Variants in FAM53B observed in about 807,000 individuals in gnomAD.
FAM53B encodes the protein protein FAM53B.
FAM53B carries 12 observed loss-of-function variants against 32.7 expected under a neutral mutation model. The observed-to-expected ratio is 0.37, with a 90% CI of 0.24 to 0.59. The LOEUF (loss-of-function observed/expected upper bound fraction) is 0.59, where lower values mean the gene tolerates loss of function less well. Ranked by LOEUF, FAM53B falls within the 20% of genes least tolerant of loss-of-function variation. The pLI, the probability that FAM53B is intolerant of heterozygous loss-of-function variation, is 0.72. For missense variants in FAM53B, 477 were observed against 577.7 expected, an observed-to-expected ratio of 0.83 and a Z score of 1.79; for synonymous variants, 234 against 228.7, an observed-to-expected ratio of 1.02 and a Z score of -0.21.
chr10:124,741,384 TGGGCCCAGAACTCAGTCTTCA>T (rs1474788076), intron 1 of FAM53B, among the ~76,000 whole-genome samples: 2 of 152,212 alleles, frequency 1.3e-5, no homozygotes. Flanking sequence ...AATCTGAAGG[TGGGCCCAGAACTCAGTCTTCA>T]GGGCCCAAGG....
rs766380975 is a variant in FAM53B, at chr10:124,681,838, C to T, written c.675G>A (p.Leu225=). ...LHPVGGGRLD[L]QRSLSCSHEQ... ...CATGTGAGCAAGAGAGGGACCGCTG[C>T]AGGTCCAGCCGGCCTCCTCCCACGG... The change falls in exon 4 of 5, where the codon CTG becomes CTA. Residue 225 remains leucine, a synonymous_variant. Transcript: ENST00000337318. 3.2e-5 allele frequency: 52 copies of T among 1,612,000 alleles called. No individual in the cohort carries two copies. In the South Asian group the frequency reaches 5.4e-4, roughly 17 times the overall value.
intron 4 of FAM53B, among the ~76,000 whole-genome samples, chr10:124,626,304 C>T (rs149940111): frequency 8.8e-4 from 134 of 151,598 alleles, no homozygotes; most frequent in African/African-American, 2.9e-3. Context: ...TGGCATAAGG[C>T]GCAGGTAGCG....
intron 3 of FAM53B, among the ~76,000 whole-genome samples, chr10:124,685,393 C>T (rs1381599559): frequency 1.3e-5 from 2 of 152,240 alleles, no homozygotes; most frequent in Non-Finnish European, 2.9e-5. Context: ...GCCCACAGCC[C>T]GCCCTCTGCT....
chr10:124,645,887 G>C (rs934962145), intron 4 of FAM53B, among the ~76,000 whole-genome samples: 3 of 152,158 alleles, frequency 2.0e-5, no homozygotes, highest in African/African-American at 7.2e-5. Flanking sequence ...ACAGGTAACA[G>C]GATGCCCTGC....
chr10:124,654,297 G>A (rs1426604168), intron 4 of FAM53B, among the ~76,000 whole-genome samples: 1 of 152,236 alleles, frequency 6.6e-6, no homozygotes, highest in African/African-American at 2.4e-5. Context: ...TGGAGCCTAG[G>A]GCCTGGCCCT....
rs1949305180 is a variant in FAM53B, at chr10:124,620,737, C to T, written c.*2505G>A. 6.6e-6 allele frequency: 1 copy of T among 152,484 alleles called. No individual in the cohort carries two copies. The highest frequency in any genetic ancestry group is 3.3e-3 in the Middle Eastern group (1 of 302). The allele number at this position is 152,484 out of a possible 1,614,324, so 9.4% of individuals were successfully genotyped here. A position where few individuals can be genotyped will look rare whatever the true frequency, so the allele number is the denominator to read the frequency against. On this transcript the variant is annotated 3_prime_UTR_variant, in exon 5 of 5. Coordinates refer to ENST00000337318, the MANE Select transcript of FAM53B (RefSeq NM_014661.4). ...GCACCTTATAGATAGGGTCTACTCC[C>T]TCCAGTCAAAACACAAACATGAAAC...
intron 4 of FAM53B, among the ~76,000 whole-genome samples, chr10:124,646,908 G>T (rs1264369402): frequency 6.6e-6 from 1 of 152,198 alleles, no homozygotes; most frequent in Non-Finnish European, 1.5e-5. Context: ...ACCTCTCCAG[G>T]TTCTAAGTGA....
chr10:124,715,232 T>C (rs1033140253), intron 1 of FAM53B, among the ~76,000 whole-genome samples: 1 of 152,098 alleles, frequency 6.6e-6, no homozygotes, highest in Non-Finnish European at 1.5e-5. Context: ...TGTTGAAACA[T>C]GGTATTAGGG....
At chr10:124,644,875 G>A (rs1949501749) in intron 4 of FAM53B, among the ~76,000 whole-genome samples, 1 of 152,228 alleles carries the variant, frequency 6.6e-6, no homozygotes. Flanking sequence ...TCTGCTGCAG[G>A]ACTCGGTGCT....
chr10:124,684,789 G>A (rs1949792625), intron 3 of FAM53B, among the ~76,000 whole-genome samples: 1 of 152,142 alleles, frequency 6.6e-6, no homozygotes. Flanking sequence ...AAAGTGCTGG[G>A]ATTACAGGCA....
At chr10:124,720,710 T>G (rs1564887698) in intron 1 of FAM53B, among the ~76,000 whole-genome samples, 1 of 152,164 alleles carries the variant, frequency 6.6e-6, no homozygotes, top group Non-Finnish European at 1.5e-5. Context: ...GTGACTACTT[T>G]GTGACTGCTG....
intron 1 of FAM53B, among the ~76,000 whole-genome samples, chr10:124,738,842 T>C (rs1196806859): frequency 6.6e-6 from 1 of 152,162 alleles, no homozygotes; most frequent in Non-Finnish European, 1.5e-5. Flanking sequence ...TCTCTCTGAA[T>C]GGAAAATGGA....
Position 124,682,572 on chromosome 10 carries a change from T to TGAGTTGG in FAM53B, c.134-200_134-194dup, listed in dbSNP as rs1160563000. On this transcript the variant is annotated intron_variant, in intron 3 of 4. Coordinates refer to ENST00000337318, the MANE Select transcript of FAM53B (RefSeq NM_014661.4). The surrounding 1 kb of genome is among the most constrained non-coding windows in gnomAD (Gnocchi z 5.2). ...AGAGGAGAAGTGAATCCCAAGGCTT[T>TGAGTTGG]GAGTTGGAAGTTGGAAGCAGAGCAG... 6.6e-6 allele frequency among the ~76,000 whole-genome samples: 1 copy of TGAGTTGG among 152,154 alleles called. No individual in the cohort carries two copies. The highest frequency in any genetic ancestry group is 1.5e-5 in the Non-Finnish European group (1 of 68,028).
intron 4 of FAM53B, among the ~76,000 whole-genome samples, chr10:124,636,210 A>T (rs757415480): frequency 4.6e-5 from 7 of 152,154 alleles, no homozygotes; most frequent in African/African-American, 1.7e-4. Context: ...CCCCATCTCC[A>T]TATTAAAATC....
chr10:124,725,483 G>T (rs138117128), intron 1 of FAM53B, among the ~76,000 whole-genome samples: 1 of 152,350 alleles, frequency 6.6e-6, no homozygotes, highest in African/African-American at 2.4e-5. Context: ...TTGGACTGAC[G>T]GCAGTGAGTG....
intron 1 of FAM53B, among the ~76,000 whole-genome samples, chr10:124,736,653 C>T (rs1950175613): frequency 6.6e-6 from 1 of 152,272 alleles, no homozygotes; most frequent in Non-Finnish European, 1.5e-5. Flanking sequence ...CTTCAGGCTT[C>T]AGCCAGAGGG....
chr10:124,705,243 G>A (rs972649674), intron 2 of FAM53B, among the ~76,000 whole-genome samples: 9 of 152,222 alleles, frequency 5.9e-5, no homozygotes, highest in Non-Finnish European at 8.8e-5. Context: ...CTGGCGTCCA[G>A]ACACCAGGCA....
intron 1 of FAM53B, chr10:124,714,109 G>C (rs899247096): frequency 6.6e-6 from 1 of 152,092 alleles, no homozygotes; most frequent in African/African-American, 2.4e-5. Flanking sequence ...AGGGTTCCGA[G>C]GGGAGCCGAA....
At chr10:124,657,042 A>G (rs1949593304) in intron 4 of FAM53B, among the ~76,000 whole-genome samples, 1 of 146,208 alleles carries the variant, frequency 6.8e-6, no homozygotes, top group Admixed American at 6.9e-5. Flanking sequence ...GTATAAATAT[A>G]TATATATATG....
Sources: gnomAD v4.1 joint callset for allele counts (sites outside exome capture counted in the v4.1 genomes callset) on GRCh38, gnomAD v4.1.1 for gene constraint, Gnocchi (gnomAD v3.1) non-coding constraint, MANE v1.5 for transcripts, NCBI Gene and HGNC (gene_info 2026-07-23, HGNC 2026-07-21) for gene names.